Variants in ATP6V1E1 observed in about 807,000 individuals in gnomAD.
ATP6V1E1 encodes V-type proton ATPase subunit E 1.
A neutral mutation model predicts 35.2 loss-of-function variants in ATP6V1E1; 21 were observed. That is an observed-to-expected ratio of 0.60 (90% CI 0.42 to 0.86). ATP6V1E1 has a LOEUF of 0.86. Among genes scored for constraint, ATP6V1E1 ranks in the 40% least tolerant of loss-of-function variants. The probability of loss-of-function intolerance (pLI) is 0.00; values close to 1 mark genes in which losing one functional copy is unlikely to be tolerated. For synonymous variants in ATP6V1E1, 83 were observed against 87.8 expected, an observed-to-expected ratio of 0.95 and a Z score of 0.30; for missense variants, 183 against 272.6, an observed-to-expected ratio of 0.67 and a Z score of 2.32.
intron 4 of ATP6V1E1, among the ~76,000 whole-genome samples, chr22:17,611,911 G>C (rs9605340): frequency 6.6e-6 from 1 of 152,068 alleles, no homozygotes; most frequent in East Asian, 1.9e-4. Flanking sequence ...TATATTTTTA[G>C]TTTTATAGCT....
At chr22:17,599,980 A>C in intron 6 of ATP6V1E1, 47 bp downstream of exon 6, 1 of 1,171,602 alleles carries the variant, frequency 8.5e-7, no homozygotes, top group African/African-American at 2.3e-5. Context: ...GAAGGAAGAA[A>C]GGGAGGGGGG....
At chr22:17,598,694 C>T (rs4819608) in intron 6 of ATP6V1E1, among the ~76,000 whole-genome samples, 1 of 152,016 alleles carries the variant, frequency 6.6e-6, no homozygotes, top group Non-Finnish European at 1.5e-5. Flanking sequence ...GAGGGGGAGA[C>T]AGCAGGCACC....
intron 1 of ATP6V1E1, among the ~76,000 whole-genome samples, chr22:17,620,302 C>A (rs1028314787): frequency 6.6e-6 from 1 of 151,924 alleles, no homozygotes; most frequent in African/African-American, 2.4e-5. Context: ...CGCCCGCCAC[C>A]ATGCCTGGCT....
chr22:17,609,088 G>A (rs1270839415), intron 4 of ATP6V1E1, among the ~76,000 whole-genome samples: 4 of 136,432 alleles, frequency 2.9e-5, no homozygotes, highest in East Asian at 2.0e-4. Context: ...GCGAGACTCC[G>A]TCTCAAAAAA....
At chr22:17,618,527 A>C (rs2057857841) in intron 2 of ATP6V1E1, among the ~76,000 whole-genome samples, 1 of 151,620 alleles carries the variant, frequency 6.6e-6, no homozygotes, top group South Asian at 2.1e-4. Flanking sequence ...CTAAAAATAC[A>C]AAAAATTAGC....
At chr22:17,608,872 G>A (rs921235165) in intron 4 of ATP6V1E1, among the ~76,000 whole-genome samples, 6 of 152,170 alleles carry the variant, frequency 3.9e-5, no homozygotes, top group African/African-American at 1.4e-4. Context: ...AGATCACGAG[G>A]TCAGGAAATC....
intron 7 of ATP6V1E1, among the ~76,000 whole-genome samples, chr22:17,595,618 T>G (rs935067091): frequency 1.3e-5 from 2 of 151,768 alleles, no homozygotes; most frequent in Admixed American, 1.3e-4. Context: ...AACTCAAGTT[T>G]GAGGCCAGCC....
intron 2 of ATP6V1E1, chr22:17,619,219 G>C (rs977075391): frequency 3.7e-5 from 19 of 507,848 alleles, no homozygotes; most frequent in Non-Finnish European, 6.1e-5. Context: ...TTGAACCTGG[G>C]AGGCGGAGTT....
At chr22:17,627,386 C>A (rs1203655017) in intron 1 of ATP6V1E1, among the ~76,000 whole-genome samples, 1 of 151,782 alleles carries the variant, frequency 6.6e-6, no homozygotes, top group Non-Finnish European at 1.5e-5. Context: ...TCCTCAGCCT[C>A]CCAAAGTGCT....
intron 4 of ATP6V1E1, among the ~76,000 whole-genome samples, chr22:17,605,659 T>A (rs1290055844): frequency 6.6e-6 from 1 of 151,986 alleles, no homozygotes; most frequent in Non-Finnish European, 1.5e-5. Flanking sequence ...GGTGATCTAA[T>A]TTTTTTCTAA....
rs1484392163 is a variant in ATP6V1E1, at chr22:17,598,305, C to G, written c.436-17G>C. The G allele has an allele frequency of 6.3e-7, 1 of 1,583,946 alleles. No individual in the cohort carries two copies. Among genetic ancestry groups the G allele is most frequent in the Admixed American group, 1.7e-5 (1 of 59,694 alleles). The stretch of plus-strand genomic sequence containing the variant: ...CACTGCAGCCTGGAAGTATAGAACA[C>G]AATGAGAGGTGTCACTAGGAACTAT... On this transcript the variant is annotated splice_polypyrimidine_tract_variant and intron_variant, in intron 6 of 8. Transcript: ENST00000253413.
chr22:17,598,688 G>A (rs932898601), intron 6 of ATP6V1E1, among the ~76,000 whole-genome samples: 4 of 152,122 alleles, frequency 2.6e-5, no homozygotes, highest in Admixed American at 1.3e-4. Context: ...GCAGATGAGG[G>A]GGAGACAGCA....
At chr22:17,606,147 T>G (rs1362621674) in intron 4 of ATP6V1E1, among the ~76,000 whole-genome samples, 2 of 152,168 alleles carry the variant, frequency 1.3e-5, no homozygotes, top group Non-Finnish European at 2.9e-5. Flanking sequence ...CAAATATCTA[T>G]AAAGGATTAT....
chr22:17,620,500 T>C (rs2057870867), intron 1 of ATP6V1E1, among the ~76,000 whole-genome samples: 1 of 152,018 alleles, frequency 6.6e-6, no homozygotes, highest in South Asian at 2.1e-4. Context: ...CTTCCTCCTG[T>C]TCTCCTTTCC....
intron 4 of ATP6V1E1, among the ~76,000 whole-genome samples, chr22:17,607,235 G>A (rs1330772428): frequency 1.3e-5 from 2 of 151,736 alleles, no homozygotes; most frequent in Non-Finnish European, 2.9e-5. Context: ...CTGGCTCACT[G>A]CAACATCTGA....
intron 2 of ATP6V1E1, 63 bp downstream of exon 2, chr22:17,619,398 T>C (rs1214052030): frequency 4.2e-6 from 6 of 1,422,754 alleles, no homozygotes; most frequent in Non-Finnish European, 5.8e-6. Context: ...AACAATATTA[T>C]TTAGCAAAGC....
In ATP6V1E1 at chr22:17,616,791, G is replaced by A. The variant is rs2057847964; in HGVS notation, c.99+2670C>T. 3.1e-5 allele frequency among the ~76,000 whole-genome samples: 2 copies of A among 65,300 alleles called. 1 individual carries two copies. Among genetic ancestry groups the A allele is most frequent in the African/African-American group, 1.4e-4 (2 of 14,558 alleles). The allele number at this position is 65,300 out of a possible 152,430, so 42.8% of individuals were successfully genotyped here. A position where few individuals can be genotyped will look rare whatever the true frequency, so the allele number is the denominator to read the frequency against. On this transcript the variant is annotated intron_variant, in intron 2 of 8. Coordinates refer to ENST00000253413, the MANE Select transcript of ATP6V1E1 (RefSeq NM_001696.4). ...AGGCCAGGCGCGGTGGCTCAAGCCTGTAATCCCAGCACTTTGGGAGGCCGA... is the reference window on the plus strand; with the variant it reads ...AGGCCAGGCGCGGTGGCTCAAGCCTATAATCCCAGCACTTTGGGAGGCCGA...
chr22:17,615,494 A>C (rs973317902), intron 2 of ATP6V1E1, among the ~76,000 whole-genome samples: 8 of 151,538 alleles, frequency 5.3e-5, no homozygotes, highest in African/African-American at 1.9e-4. Context: ...AAAAACACAA[A>C]AATTACCTGG....
rs370719342 is a variant in ATP6V1E1 at position 17,592,654 on chromosome 22, G to A, written c.*20C>T. The A allele has an allele frequency of 1.9e-5, 31 of 1,612,072 alleles. No individual in the cohort carries two copies. The highest frequency in any genetic ancestry group is 9.4e-5 in the African/African-American group (7 of 74,850). On this transcript the variant is annotated 3_prime_UTR_variant, in exon 9 of 9. Coordinates refer to ENST00000253413, the MANE Select transcript of ATP6V1E1 (RefSeq NM_001696.4). The stretch of plus-strand genomic sequence containing the variant: ...ACATCACAGCAGGAGAGCTGACGAC[G>A]AGCTCCACCTCCTGAAGGCTTAGTC...
Sources: gnomAD v4.1 joint callset for allele counts (sites outside exome capture counted in the v4.1 genomes callset) on GRCh38, gnomAD v4.1.1 for gene constraint, MANE v1.5 for transcripts, NCBI Gene and HGNC (gene_info 2026-07-23, HGNC 2026-07-21) for gene names.